MEGF11: variants seen among roughly 807,000 people sequenced by gnomAD.
MEGF11 encodes multiple EGF like domains 11.
Under a neutral mutation model 146.6 loss-of-function variants are expected in MEGF11, and 126 were observed. The ratio of observed to expected loss-of-function variants is 0.86; its 90% CI spans 0.74 to 1.00. The LOEUF (loss-of-function observed/expected upper bound fraction) is 1.00. MEGF11 is among the 50% of genes least tolerant of loss of function. The pLI is 0.00. For missense variants in MEGF11, 1,509 were observed against 1,521.2 expected, an observed-to-expected ratio of 0.99 and a Z score of 0.13; for synonymous variants, 532 against 583.4, an observed-to-expected ratio of 0.91 and a Z score of 1.27.
At chr15:65,994,829 C>T (rs1006019561) in intron 5 of MEGF11, among the ~76,000 whole-genome samples, 1 of 152,220 alleles carries the variant, frequency 6.6e-6, no homozygotes, top group African/African-American at 2.4e-5. Context: ...CACAGTTGTG[C>T]CACCTTTCAT....
chr15:66,178,448 T>C (rs1054723283), intron 1 of MEGF11, among the ~76,000 whole-genome samples: 3 of 152,232 alleles, frequency 2.0e-5, no homozygotes, highest in African/African-American at 7.2e-5. Flanking sequence ...TGCAGTGGTG[T>C]ACCCTGGTCT....
chr15:65,981,182 G>A (rs1207864792), intron 6 of MEGF11, among the ~76,000 whole-genome samples: 1 of 152,192 alleles, frequency 6.6e-6, no homozygotes, highest in Non-Finnish European at 1.5e-5. Context: ...TTCCCAAGGA[G>A]GAAGGCATTT....
intron 1 of MEGF11, among the ~76,000 whole-genome samples, chr15:66,134,602 G>A (rs2140984158): frequency 6.6e-6 from 1 of 152,336 alleles, no homozygotes; most frequent in South Asian, 2.1e-4. Context: ...AACCTCTGAA[G>A]ACAAGTCAGC....
At chr15:66,172,620 G>T (rs917065349) in intron 1 of MEGF11, among the ~76,000 whole-genome samples, 1 of 152,072 alleles carries the variant, frequency 6.6e-6, no homozygotes, top group African/African-American at 2.4e-5. Context: ...CAGGTCTGAG[G>T]CCCCAGCAGT....
intron 4 of MEGF11, among the ~76,000 whole-genome samples, chr15:66,112,949 C>G (rs1448405388): frequency 6.6e-6 from 1 of 152,120 alleles, no homozygotes; most frequent in East Asian, 1.9e-4. Flanking sequence ...GAGAGTGATG[C>G]AAGAGATGAT....
At chr15:65,998,306 C>T (rs2082260751) in intron 5 of MEGF11, among the ~76,000 whole-genome samples, 1 of 152,224 alleles carries the variant, frequency 6.6e-6, no homozygotes, top group East Asian at 1.9e-4. Context: ...ATGAGTCTTT[C>T]CACTCCTCAG....
At chr15:66,002,861 T>G (rs1233824827) in intron 5 of MEGF11, among the ~76,000 whole-genome samples, 2 of 152,188 alleles carry the variant, frequency 1.3e-5, no homozygotes, top group South Asian at 2.1e-4. Context: ...GCTAGTCCAG[T>G]TCTCCCTTTT....
intron 1 of MEGF11, among the ~76,000 whole-genome samples, chr15:66,174,134 G>A (rs1366785881): frequency 3.3e-5 from 5 of 152,176 alleles, no homozygotes; most frequent in Admixed American, 6.5e-5. Flanking sequence ...GAGAACCCAC[G>A]AAAACTGCCA....
chr15:66,151,617 T>C (rs573117489), intron 1 of MEGF11, among the ~76,000 whole-genome samples: 2 of 152,312 alleles, frequency 1.3e-5, no homozygotes, highest in African/African-American at 4.8e-5. Flanking sequence ...TAAGGAGTCC[T>C]CAGTTTCCCT....
intron 10 of MEGF11, among the ~76,000 whole-genome samples, chr15:65,942,373 G>A (rs887109817): frequency 9.9e-5 from 15 of 152,178 alleles, no homozygotes; most frequent in African/African-American, 3.6e-4. Context: ...CTCTTAGGGG[G>A]CATTTGTATC....
At chr15:66,040,614 T>C (rs573518648) in intron 5 of MEGF11, among the ~76,000 whole-genome samples, 1 of 152,234 alleles carries the variant, frequency 6.6e-6, no homozygotes, top group Non-Finnish European at 1.5e-5. Flanking sequence ...AAGGGCTGAT[T>C]ATGTGGGCAC....
chr15:65,904,568 C>T (rs1283430794), intron 24 of MEGF11, among the ~76,000 whole-genome samples: 1 of 152,186 alleles, frequency 6.6e-6, no homozygotes, highest in Non-Finnish European at 1.5e-5. Flanking sequence ...ATCTAATCAT[C>T]TCCCCAAAAG....
chr15:66,244,521 T>A (rs559486346), intron 1 of MEGF11, among the ~76,000 whole-genome samples: 1 of 152,034 alleles, frequency 6.6e-6, no homozygotes, highest in Non-Finnish European at 1.5e-5. Flanking sequence ...GGAAGATGTA[T>A]GCAATAGAAA....
At chr15:66,043,545 T>G (rs1279700810) in intron 5 of MEGF11, among the ~76,000 whole-genome samples, 1 of 152,252 alleles carries the variant, frequency 6.6e-6, no homozygotes, top group Non-Finnish European at 1.5e-5. Context: ...GAAGCCATAT[T>G]TGAGAAGGCT....
Position 65,896,247 on chromosome 15 carries a change from C to G in MEGF11, c.*1687G>C, listed in dbSNP as rs2141118549. ...AATTTACTATTGCTACTCAGTTGCT[C>G]CCATGCACACATGCAACATTCATGT... On this transcript the variant is annotated 3_prime_UTR_variant, in exon 26 of 26. Coordinates refer to ENST00000395614, the MANE Select transcript of MEGF11 (RefSeq NM_001385028.1). 2 of 152,696 alleles carry G rather than the reference C, an allele frequency of 1.3e-5. No homozygotes were observed. Among genetic ancestry groups the G allele is most frequent in the Middle Eastern group, 6.8e-3 (2 of 294 alleles). The allele number at this position is 152,696 out of a possible 1,614,324, so 9.5% of individuals were successfully genotyped here.
intron 5 of MEGF11, among the ~76,000 whole-genome samples, chr15:66,027,100 C>T (rs2083357248): frequency 6.6e-6 from 1 of 152,194 alleles, no homozygotes; most frequent in African/African-American, 2.4e-5. Flanking sequence ...GACACGCTAG[C>T]TGTGGAGACC....
At chr15:66,172,397 T>C (rs1231500898) in intron 1 of MEGF11, among the ~76,000 whole-genome samples, 1 of 143,418 alleles carries the variant, frequency 7.0e-6, no homozygotes, top group African/African-American at 2.7e-5. Flanking sequence ...GGCAGAGCTG[T>C]GTGGACAGCA....
At chr15:66,211,523 CAAAAA>C (rs10709815) in intron 1 of MEGF11, among the ~76,000 whole-genome samples, 1 of 91,652 alleles carries the variant, frequency 1.1e-5, no homozygotes, top group Non-Finnish European at 2.3e-5. Context: ...GACTCAGTCT[CAAAAA>C]AAAAAAAAAA....
chr15:66,185,566 A>G (rs1403429536), intron 1 of MEGF11, among the ~76,000 whole-genome samples: 4 of 152,170 alleles, frequency 2.6e-5, no homozygotes, highest in Admixed American at 6.5e-5. Flanking sequence ...GGGCACACGC[A>G]CTGGCCTGAG....
Sources: gnomAD v4.1 joint callset for allele counts (sites outside exome capture counted in the v4.1 genomes callset) on GRCh38, gnomAD v4.1.1 for gene constraint, MANE v1.5 for transcripts, NCBI Gene and HGNC (gene_info 2026-07-23, HGNC 2026-07-21) for gene names.